Variants in COL22A1 observed in about 807,000 individuals in gnomAD.
The protein encoded by COL22A1 is collagen alpha-1(XXII) chain.
In COL22A1, 221 loss-of-function variants were observed where a neutral mutation model predicts 248.9. The ratio of observed to expected loss-of-function variants is 0.89; its 90% CI spans 0.80 to 0.99. COL22A1 has a LOEUF of 0.99. Ranked by LOEUF, COL22A1 falls within the 50% of genes least tolerant of loss-of-function variation. COL22A1 has a pLI of 0.00. For missense variants in COL22A1, 2,240 were observed against 2,179.0 expected (o/e 1.03, Z -0.56); for synonymous variants, 891 against 793.4 (o/e 1.12, Z -2.07).
chr8:138,648,741 TG>T (rs1372126092), intron 46 of COL22A1, among the ~76,000 whole-genome samples: 1 of 152,162 alleles, frequency 6.6e-6, no homozygotes, highest in Non-Finnish European at 1.5e-5. Context: ...TACATAAAGA[TG>T]CAAGAAGTTT....
At chr8:138,837,888 C>T (rs776070761) in intron 4 of COL22A1, among the ~76,000 whole-genome samples, 10 of 152,138 alleles carry the variant, frequency 6.6e-5, no homozygotes, top group Admixed American at 2.0e-4. Flanking sequence ...CAGCCCTGGC[C>T]AGAGGTGGGA....
At chr8:138,625,401 T>C (rs796767228) in intron 51 of COL22A1, among the ~76,000 whole-genome samples, 2 of 152,134 alleles carry the variant, frequency 1.3e-5, no homozygotes, top group African/African-American at 4.8e-5. Context: ...AGACAGTAAG[T>C]GCTACAGCAG....
chr8:138,903,949 C>T (rs551874750), intron 1 of COL22A1, among the ~76,000 whole-genome samples: 19 of 152,158 alleles, frequency 1.2e-4, no homozygotes, highest in African/African-American at 3.4e-4. Context: ...CACTGGATCC[C>T]GAGAACAAGA....
At chr8:138,655,462 G>C (rs1216045574) in intron 45 of COL22A1, among the ~76,000 whole-genome samples, 1 of 152,162 alleles carries the variant, frequency 6.6e-6, no homozygotes, top group Non-Finnish European at 1.5e-5. Context: ...GGGCTCAAGT[G>C]ATCCTCCTAC....
Position 138,845,477 on chromosome 8 carries a change from T to C in COL22A1, c.659-1319A>G, listed in dbSNP as rs1821176352. Among the ~76,000 whole-genome samples the C allele has an allele frequency of 2.0e-5, 3 of 151,896 alleles. No homozygotes were observed. In the South Asian group the frequency reaches 6.2e-4, roughly 32 times the overall value. ...CTGCAGTGAGCTGAGATCACGCCAC[T>C]GCATGACAGCCTGGGTGACAGAATG... On this transcript the variant is annotated intron_variant, in intron 3 of 64. Coordinates refer to ENST00000303045, the MANE Select transcript of COL22A1 (RefSeq NM_152888.3).
chr8:138,694,725 T>A, intron 33 of COL22A1, 101 bp downstream of exon 33: 1 of 1,442,412 alleles, frequency 6.9e-7, no homozygotes, highest in Non-Finnish European at 9.6e-7. Context: ...GTGTGGCTCC[T>A]GGGTGTGGAA....
chr8:138,676,594 G>T lies in COL22A1; in HGVS notation c.3114C>A (p.Ser1038Arg), dbSNP rs1469667401. The T allele has an allele frequency of 1.3e-6, 2 of 1,568,762 alleles. No individual in the cohort carries two copies. The highest frequency in any genetic ancestry group is 1.7e-6 in the Non-Finnish European group (2 of 1,155,906). ...GAPGIPGSPG[S>R]RGDPGIGVAG... ...CAACCCCAATGCCTGGGTCACCACG[G>T]CTGCCAGGAGAACCAGGGATCCCAG... Residue 1038 changes from serine (S) to arginine (R), a missense_variant, in exon 41 of 65, where the codon AGC (serine) becomes AGA (arginine). Ser to Arg is a moderately radical substitution (Grantham distance 110). Coordinates refer to ENST00000303045, the MANE Select transcript of COL22A1 (RefSeq NM_152888.3).
At chr8:138,849,543 C>T (rs1050310648) in intron 3 of COL22A1, among the ~76,000 whole-genome samples, 1 of 152,212 alleles carries the variant, frequency 6.6e-6, no homozygotes, top group Admixed American at 6.5e-5. Flanking sequence ...TTGGCCACTG[C>T]ATGATGCAGC....
chr8:138,838,013 G>T (rs1362509150), intron 4 of COL22A1, among the ~76,000 whole-genome samples: 1 of 152,230 alleles, frequency 6.6e-6, no homozygotes, highest in South Asian at 2.1e-4. Flanking sequence ...GGGAGCTGGG[G>T]GAGGGGGTCG....
intron 4 of COL22A1, among the ~76,000 whole-genome samples, chr8:138,836,499 C>A (rs1199791921): frequency 6.6e-6 from 1 of 152,180 alleles, no homozygotes; most frequent in East Asian, 1.9e-4. Context: ...CAGTTGCTCA[C>A]TAAATGCTGG....
intron 22 of COL22A1, among the ~76,000 whole-genome samples, chr8:138,738,640 T>C (rs1831313019): frequency 6.6e-6 from 1 of 152,198 alleles, no homozygotes; most frequent in South Asian, 2.1e-4. Flanking sequence ...TCAGACCTCA[T>C]GTCTCTCTTG....
chr8:138,771,131 C>A (rs577208023), intron 16 of COL22A1, among the ~76,000 whole-genome samples: 1 of 152,332 alleles, frequency 6.6e-6, no homozygotes, highest in East Asian at 1.9e-4. Flanking sequence ...GCTCTAGCCA[C>A]GGCCACGTCA....
chr8:138,775,359 C>T (rs928725635), intron 16 of COL22A1, among the ~76,000 whole-genome samples: 3 of 152,222 alleles, frequency 2.0e-5, no homozygotes, highest in Non-Finnish European at 4.4e-5. Context: ...GCACATATGG[C>T]GGAATCCAAT....
chr8:138,891,399 G>T (rs1825059898), intron 1 of COL22A1, among the ~76,000 whole-genome samples: 1 of 152,158 alleles, frequency 6.6e-6, no homozygotes, highest in Non-Finnish European at 1.5e-5. Flanking sequence ...AATGACAGCT[G>T]GTCTTGGCAT....
chr8:138,767,490 A>G (rs1834001322), intron 16 of COL22A1, among the ~76,000 whole-genome samples: 1 of 152,120 alleles, frequency 6.6e-6, no homozygotes. Flanking sequence ...AAACACACAA[A>G]AAAGGAAAAA....
At chr8:138,732,634 T>C (rs1830794524) in intron 23 of COL22A1, among the ~76,000 whole-genome samples, 1 of 152,252 alleles carries the variant, frequency 6.6e-6, no homozygotes, top group Admixed American at 6.5e-5. Context: ...ATCTAATTAT[T>C]AATGAGTAAC....
intron 30 of COL22A1, among the ~76,000 whole-genome samples, chr8:138,707,957 C>T (rs376280056): frequency 1.4e-4 from 21 of 152,162 alleles, no homozygotes; most frequent in East Asian, 7.7e-4. Flanking sequence ...ACAAAATCAA[C>T]GTGCAAAAAT....
chr8:138,774,927 G>A lies in COL22A1; in HGVS notation c.1803+1039C>T, dbSNP rs372655916. Among the ~76,000 whole-genome samples, 17 of 152,310 alleles carry A rather than the reference G, an allele frequency of 1.1e-4. No individual in the cohort carries two copies. In the East Asian group the frequency reaches 3.1e-3, roughly 28 times the overall value. On this transcript the variant is annotated intron_variant, in intron 16 of 64. Transcript: ENST00000303045. Reference sequence around the variant, plus strand: ...TGGAATACAGGATGATGTGGCTGTGGAGGGACACTCCCCATGTGTAAGAAT... The same window carrying A: ...TGGAATACAGGATGATGTGGCTGTGAAGGGACACTCCCCATGTGTAAGAAT...
At chr8:138,750,013 T>C (rs183799648) in intron 22 of COL22A1, among the ~76,000 whole-genome samples, 4 of 152,302 alleles carry the variant, frequency 2.6e-5, no homozygotes, top group Admixed American at 1.3e-4. Flanking sequence ...GTCTTTCCCA[T>C]GCTGTTCTCA....
Sources: gnomAD v4.1 joint callset for allele counts (sites outside exome capture counted in the v4.1 genomes callset) on GRCh38, gnomAD v4.1.1 for gene constraint, MANE v1.5 for transcripts, NCBI Gene and HGNC (gene_info 2026-07-23, HGNC 2026-07-21) for gene names.